PHKG1: variants seen among roughly 807,000 people sequenced by gnomAD.
PHKG1 encodes phosphorylase b kinase gamma catalytic chain, skeletal muscle/heart isoform.
PHKG1 carries 48 observed loss-of-function variants against 50.5 expected under a neutral mutation model. The observed-to-expected ratio is 0.95, with a 90% confidence interval of 0.75 to 1.21. The LOEUF (loss-of-function observed/expected upper bound fraction) is 1.21, where lower values mean the gene tolerates loss of function less well. Ranked by LOEUF, PHKG1 falls within the 50% of genes most tolerant of loss-of-function variation. The pLI is 0.00. For synonymous variants in PHKG1, 204 were observed against 212.8 expected (o/e 0.96, Z 0.36); for missense variants, 487 against 519.5 (o/e 0.94, Z 0.61).
chr7:56,082,038 G>A lies in PHKG1; in HGVS notation c.647C>T (p.Thr216Ile), dbSNP rs940268562. ...GYGKEVDMWS[T>I]GVIMYTLLAG... The stretch of plus-strand genomic sequence containing the variant: ...CAGCAGCGTGTACATGATGACGCCA[G>A]TGCTCCACCTGGACATGCGAGGGCC... Residue 216 changes from threonine to isoleucine, a missense_variant, in exon 8 of 10, where the codon ACT (threonine) becomes ATT (isoleucine). By Grantham distance (89) the Thr-to-Ile change is moderately conservative. Transcript: ENST00000297373. 1.2e-6 allele frequency: 2 copies of A among 1,612,736 alleles called. No homozygotes were observed. The highest frequency in any genetic ancestry group is 1.3e-5 in the African/African-American group (1 of 74,938).
chr7:56,088,693 G>T (rs1438357582), intron 2 of PHKG1, 166 bp downstream of exon 2: 6 of 574,510 alleles, frequency 1.0e-5, no homozygotes, highest in Non-Finnish European at 1.9e-5. Flanking sequence ...TCTCTTATCT[G>T]TCCTGGCTTC....
intron 4 of PHKG1, among the ~76,000 whole-genome samples, chr7:56,085,923 G>A (rs975369992): frequency 1.2e-4 from 18 of 149,222 alleles, no homozygotes; most frequent in African/African-American, 3.0e-4. Context: ...GCAGTGAGCC[G>A]AGATCGCACC....
chr7:56,082,508 G>T (rs1420202774), intron 6 of PHKG1, among the ~76,000 whole-genome samples: 1 of 152,034 alleles, frequency 6.6e-6, no homozygotes, highest in Admixed American at 6.6e-5. Flanking sequence ...CAGGAGAATC[G>T]CTTGAACCTG....
Position 56,083,336 on chromosome 7 carries a change from G to A in PHKG1, c.489C>T (p.Asn163=). ...AAAAGCCAAAGTCTGTGAGCTTGAT[G>A]TTCATGTTGTCATCCAAGAGAATGT... ...PENILLDDNM[N]IKLTDFGFSC... The change falls in exon 6 of 10, where the codon AAC becomes AAT. Residue 163 remains asparagine, a synonymous_variant. Coordinates refer to ENST00000297373, the MANE Select transcript of PHKG1 (RefSeq NM_006213.5). 6.2e-7 allele frequency: 1 copy of A among 1,614,148 alleles called. No homozygotes were observed. The highest frequency in any genetic ancestry group is 1.1e-5 in the South Asian group (1 of 91,084).
chr7:56,084,069 T>C, intron 4 of PHKG1: 1 of 766,334 alleles, frequency 1.3e-6, no homozygotes, highest in Non-Finnish European at 2.1e-6. Context: ...CAGGTTCCCA[T>C]TACCCTAGTT....
intron 1 of PHKG1, among the ~76,000 whole-genome samples, chr7:56,090,460 C>G (rs1350515310): frequency 2.6e-5 from 4 of 152,164 alleles, no homozygotes. Context: ...CATAATCACT[C>G]ACTCACTCAT....
At chr7:56,089,031 T>C (rs1289890579) in intron 1 of PHKG1, 56 bp from the exon 2 acceptor site, 10 of 809,200 alleles carry the variant, frequency 1.2e-5, no homozygotes, top group Admixed American at 2.0e-5. Context: ...GCTGTTCTCC[T>C]TGGGGTCTGG....
In PHKG1 at chr7:56,081,579, T is replaced by C. The variant is rs200366686; in HGVS notation, c.918+51A>G. The C allele has an allele frequency of 1.2e-6, 2 of 1,601,818 alleles. No homozygotes were observed. The highest frequency in any genetic ancestry group is 1.7e-6 in the Non-Finnish European group (2 of 1,172,252). On this transcript the variant is annotated intron_variant, in intron 9 of 9. Coordinates refer to ENST00000297373, the MANE Select transcript of PHKG1 (RefSeq NM_006213.5). The surrounding 1 kb of genome is among the most constrained non-coding windows in gnomAD (Gnocchi z 4.6). ...AGGACTCCTGGGAGAGGAGGGGGCT[T>C]AGAGGTTTGCACTTAGGGAGCTGGC...
At position 56,087,468 on chromosome 7, in the gene PHKG1, G is replaced by A. The variant is rs1044392857; in HGVS notation, c.262+130C>T. 7.9e-5 allele frequency: 62 copies of A among 789,116 alleles called. No individual in the cohort carries two copies. The African/African-American group carries it at 1.0e-3, about 13-fold the overall frequency. 48.9% of individuals were successfully genotyped at this position (789,116 alleles called of 1,614,324 possible). A position where few individuals can be genotyped will look rare whatever the true frequency, so the allele number is the denominator to read the frequency against. ...GGACCCCTTCTATCAGAGCAGTGAG[G>A]GTGGAGCTGGGAGCCTTGAGCCTGG... On this transcript the variant is annotated intron_variant, in intron 3 of 9. Coordinates refer to ENST00000297373, the MANE Select transcript of PHKG1 (RefSeq NM_006213.5).
chr7:56,087,118 C>G, intron 3 of PHKG1, 94 bp from the exon 4 acceptor site: 2 of 904,786 alleles, frequency 2.2e-6, no homozygotes, highest in African/African-American at 3.3e-5. Flanking sequence ...CTGCTGTGGG[C>G]TAACTTCAAA....
chr7:56,087,798 G>A (rs1283292685), intron 2 of PHKG1, 22 bp from the exon 3 acceptor site: 1 of 1,593,992 alleles, frequency 6.3e-7, no homozygotes, highest in Admixed American at 1.7e-5. Flanking sequence ...GAGGACAGAT[G>A]GCCTCGGGGG....
intron 4 of PHKG1, among the ~76,000 whole-genome samples, chr7:56,086,568 A>T (rs1041170497): frequency 6.6e-6 from 1 of 151,286 alleles, no homozygotes; most frequent in African/African-American, 2.4e-5. Context: ...GGCTCACTTC[A>T]ACCTCCGCCT....
rs1180234778 is a variant in PHKG1, at chr7:56,081,313, C to G, written c.919-14G>C. On this transcript the variant is annotated splice_polypyrimidine_tract_variant and intron_variant, in intron 9 of 9. Coordinates refer to ENST00000297373, the MANE Select transcript of PHKG1 (RefSeq NM_006213.5). The surrounding 1 kb of genome is among the most constrained non-coding windows in gnomAD (Gnocchi z 4.6). ...CAGAGCGATCACCTGCAGGGCCAGG[C>G]GGAGAAGCTGGGCTGCAGCCCCCGC... 1 of 1,598,156 alleles carries G rather than the reference C, an allele frequency of 6.3e-7. No homozygotes were observed. Among genetic ancestry groups the G allele is most frequent in the African/African-American group, 1.3e-5 (1 of 74,848 alleles).
At chr7:56,087,811 C>G (rs1359511365) in intron 2 of PHKG1, 35 bp from the exon 3 acceptor site, 1 of 1,581,138 alleles carries the variant, frequency 6.3e-7, no homozygotes, top group Admixed American at 1.7e-5. Context: ...CTCGGGGGGC[C>G]CCTCACCCCA....
At chr7:56,082,338 A>C in intron 6 of PHKG1, 85 bp from the exon 7 acceptor site, 2 of 1,052,248 alleles carry the variant, frequency 1.9e-6, no homozygotes, top group Non-Finnish European at 2.8e-6. Context: ...CATTTCTATA[A>C]TCCTAGCACT....
At chr7:56,089,804 G>T (rs374727530) in intron 1 of PHKG1, among the ~76,000 whole-genome samples, 1 of 151,812 alleles carries the variant, frequency 6.6e-6, no homozygotes, top group African/African-American at 2.4e-5. Context: ...GATTAAAGGC[G>T]TGAAACACCA....
intron 4 of PHKG1, chr7:56,084,098 A>T (rs1796145880): frequency 2.0e-6 from 2 of 1,009,500 alleles, no homozygotes; most frequent in Non-Finnish European, 3.0e-6. Context: ...GGATGGCTAG[A>T]AGTGACCAGG....
At chr7:56,086,479 T>TTTTTG (rs999257420) in intron 4 of PHKG1, among the ~76,000 whole-genome samples, 37 of 152,008 alleles carry the variant, frequency 2.4e-4, no homozygotes, top group Non-Finnish European at 8.8e-5. Context: ...TTTGGGGTTT[T>TTTTTG]TTTTGTTTTG....
In PHKG1 at chr7:56,081,449, G is replaced by A. The variant is rs1428022891; in HGVS notation, c.919-150C>T. 14 of 1,286,324 alleles carry A rather than the reference G, an allele frequency of 1.1e-5. No individual in the cohort carries two copies. The East Asian group carries it at 1.9e-4, about 18-fold the overall frequency. The allele number at this position is 1,286,324 out of a possible 1,614,324, so 79.7% of individuals were successfully genotyped here. On this transcript the variant is annotated intron_variant, in intron 9 of 9. Coordinates refer to ENST00000297373, the MANE Select transcript of PHKG1 (RefSeq NM_006213.5). The surrounding 1 kb of genome is among the most constrained non-coding windows in gnomAD (Gnocchi z 4.6). ...GTGTCCCCCACTTCCCACTTGGCCA[G>A]CATCCTCAGGGACCGAGCCAGTGGG...
Sources: gnomAD v4.1 joint callset for allele counts (sites outside exome capture counted in the v4.1 genomes callset) on GRCh38, gnomAD v4.1.1 for gene constraint, Gnocchi (gnomAD v3.1) non-coding constraint, MANE v1.5 for transcripts, NCBI Gene and HGNC (gene_info 2026-07-23, HGNC 2026-07-21) for gene names.